RGS7BP: variants seen among roughly 807,000 people sequenced by gnomAD.
RGS7BP encodes the protein regulator of G protein signaling 7-binding protein.
RGS7BP carries 9 observed loss-of-function variants against 31.3 expected under a neutral mutation model. That is an observed-to-expected ratio of 0.29 (90% CI 0.17 to 0.50). The LOEUF (loss-of-function observed/expected upper bound fraction) is 0.50. RGS7BP is among the 20% of genes least tolerant of loss of function. The probability of loss-of-function intolerance (pLI) is 0.98; values close to 1 mark genes in which losing one functional copy is unlikely to be tolerated. For synonymous variants in RGS7BP, 115 were observed against 120.1 expected (o/e 0.96, Z 0.28); for missense variants, 274 against 322.0 (o/e 0.85, Z 1.14).
Position 64,612,209 on chromosome 5 carries a change from G to A in RGS7BP, c.*2957G>A, listed in dbSNP as rs1300638201. On this transcript the variant is annotated 3_prime_UTR_variant, in exon 6 of 6. Coordinates refer to ENST00000334025, the MANE Select transcript of RGS7BP (RefSeq NM_001029875.3). Reference sequence around the variant, plus strand: ...ACATTGTTTAAAACCACATTTCTGGGTTTTAAATCAGTCAGTGGCTGGGCC... The same window carrying A: ...ACATTGTTTAAAACCACATTTCTGGATTTTAAATCAGTCAGTGGCTGGGCC... 6.6e-6 allele frequency: 1 copy of A among 151,968 alleles called. No individual in the cohort carries two copies. Among genetic ancestry groups the A allele is most frequent in the Non-Finnish European group, 1.5e-5 (1 of 67,838 alleles). The allele number at this position is 151,968 out of a possible 1,614,324, so 9.4% of individuals were successfully genotyped here. A position where few individuals can be genotyped will look rare whatever the true frequency, so the allele number is the denominator to read the frequency against.
intron 2 of RGS7BP, among the ~76,000 whole-genome samples, chr5:64,534,154 T>C (rs1749445085): frequency 6.6e-6 from 1 of 152,100 alleles, no homozygotes; most frequent in Non-Finnish European, 1.5e-5. Context: ...GAGCCAGCCA[T>C]GCGAAGATCT....
chr5:64,527,233 C>T (rs1201298255), intron 2 of RGS7BP, among the ~76,000 whole-genome samples: 1 of 152,172 alleles, frequency 6.6e-6, no homozygotes, highest in East Asian at 1.9e-4. Flanking sequence ...CAGCTGCCTG[C>T]CTGGTATAGA....
At chr5:64,556,432 C>CACAA (rs1230513644) in intron 2 of RGS7BP, among the ~76,000 whole-genome samples, 1 of 143,354 alleles carries the variant, frequency 7.0e-6, no homozygotes, top group Non-Finnish European at 1.5e-5. Flanking sequence ...CACACACACA[C>CACAA]ACACACACAC....
At chr5:64,520,204 G>C (rs1749072488) in intron 2 of RGS7BP, among the ~76,000 whole-genome samples, 4 of 152,132 alleles carry the variant, frequency 2.6e-5, no homozygotes. Context: ...CTTTATTCTT[G>C]CCACCATATT....
chr5:64,523,485 CTGCT>C (rs1018919623), intron 2 of RGS7BP, among the ~76,000 whole-genome samples: 1 of 152,212 alleles, frequency 6.6e-6, no homozygotes, highest in African/African-American at 2.4e-5. Flanking sequence ...TAATTACCAC[CTGCT>C]TGTTTGTTCA....
intron 2 of RGS7BP, among the ~76,000 whole-genome samples, chr5:64,515,711 T>TACAC (rs140297030): frequency 0.037 from 5,468 of 148,584 alleles, 224 homozygotes; most frequent in African/African-American, 0.1. Flanking sequence ...CCTATATGCA[T>TACAC]ACACACACAC....
chr5:64,538,245 C>T (rs1367630160), intron 2 of RGS7BP, among the ~76,000 whole-genome samples: 1 of 151,896 alleles, frequency 6.6e-6, no homozygotes, highest in African/African-American at 2.4e-5. Context: ...TTTTGTTGTA[C>T]ATTTCTATGA....
At chr5:64,598,276 ATCTT>A in intron 4 of RGS7BP, 85 bp from the exon 5 acceptor site, 1 of 777,030 alleles carries the variant, frequency 1.3e-6, no homozygotes. Context: ...ACAGACCCTC[ATCTT>A]TCAGTTGTCT....
At chr5:64,542,733 C>A (rs1741557372) in intron 2 of RGS7BP, among the ~76,000 whole-genome samples, 1 of 152,188 alleles carries the variant, frequency 6.6e-6, no homozygotes, top group Non-Finnish European at 1.5e-5. Context: ...TACATCTCAT[C>A]CAGCCCAATG....
At chr5:64,549,763 T>C (rs759803949) in intron 2 of RGS7BP, among the ~76,000 whole-genome samples, 3 of 152,178 alleles carry the variant, frequency 2.0e-5, no homozygotes, top group African/African-American at 7.2e-5. Flanking sequence ...GCTTTCTCAT[T>C]ATTTTTTATA....
At chr5:64,518,544 T>C (rs1749032185) in intron 2 of RGS7BP, among the ~76,000 whole-genome samples, 1 of 152,142 alleles carries the variant, frequency 6.6e-6, no homozygotes, top group Non-Finnish European at 1.5e-5. Flanking sequence ...ACATTTGAAC[T>C]GAATATCTGA....
intron 3 of RGS7BP, among the ~76,000 whole-genome samples, chr5:64,592,237 C>T (rs963849078): frequency 5.3e-5 from 8 of 152,144 alleles, no homozygotes; most frequent in Non-Finnish European, 1.2e-4. Context: ...CCATATCAAA[C>T]TTCTGCAGGG....
At chr5:64,525,889 T>C (rs1749219679) in intron 2 of RGS7BP, among the ~76,000 whole-genome samples, 1 of 152,342 alleles carries the variant, frequency 6.6e-6, no homozygotes, top group Non-Finnish European at 1.5e-5. Context: ...GGTGTTCTGA[T>C]GTATTATACA....
chr5:64,584,704 G>A (rs1478527496), intron 3 of RGS7BP, among the ~76,000 whole-genome samples: 1 of 152,206 alleles, frequency 6.6e-6, no homozygotes, highest in Non-Finnish European at 1.5e-5. Context: ...GAGGCCAAAG[G>A]GCAGTAGGAG....
intron 2 of RGS7BP, among the ~76,000 whole-genome samples, chr5:64,548,407 T>A (rs1238287446): frequency 5.3e-5 from 8 of 152,232 alleles, no homozygotes; most frequent in Admixed American, 5.2e-4. Flanking sequence ...CACGTTTGCC[T>A]ATATAATAAT....
intron 2 of RGS7BP, among the ~76,000 whole-genome samples, chr5:64,547,477 C>T (rs1741685620): frequency 6.6e-6 from 1 of 152,190 alleles, no homozygotes; most frequent in Admixed American, 6.6e-5. Flanking sequence ...TCAGCTGGTA[C>T]TTATAACAAT....
chr5:64,550,663 T>C (rs1270701898), intron 2 of RGS7BP, among the ~76,000 whole-genome samples: 1 of 151,890 alleles, frequency 6.6e-6, no homozygotes, highest in African/African-American at 2.4e-5. Context: ...ATGTGCTATG[T>C]TGGTGTGCTG....
chr5:64,517,604 A>C (rs934334835), intron 2 of RGS7BP, among the ~76,000 whole-genome samples: 3 of 152,180 alleles, frequency 2.0e-5, no homozygotes, highest in Admixed American at 2.0e-4. Context: ...ACTCCTCTGC[A>C]TGTCAAGGTC....
chr5:64,539,163 T>A (rs1257739286), intron 2 of RGS7BP, among the ~76,000 whole-genome samples: 1 of 152,234 alleles, frequency 6.6e-6, no homozygotes, highest in Non-Finnish European at 1.5e-5. Context: ...TATTTAGCAT[T>A]CATCACCTTC....
Sources: gnomAD v4.1 joint callset for allele counts (sites outside exome capture counted in the v4.1 genomes callset) on GRCh38, gnomAD v4.1.1 for gene constraint, MANE v1.5 for transcripts, NCBI Gene and HGNC (gene_info 2026-07-23, HGNC 2026-07-21) for gene names.